Variants in DNAAF9 observed in about 807,000 individuals in gnomAD.
DNAAF9 encodes shulin.
Under a neutral mutation model 167.0 loss-of-function variants are expected in DNAAF9, and 90 were observed. That is an observed-to-expected ratio of 0.54 (90% CI 0.45 to 0.64). DNAAF9 has a LOEUF of 0.64. DNAAF9 is among the 30% of genes least tolerant of loss of function. The pLI, the probability that DNAAF9 is intolerant of heterozygous loss-of-function variation, is 0.00. For synonymous variants in DNAAF9, 491 were observed against 508.8 expected (o/e 0.96, Z 0.47); for missense variants, 1,315 against 1,442.2 (o/e 0.91, Z 1.43).
chr20:3,402,689 C>T (rs1186282144), intron 1 of DNAAF9, among the ~76,000 whole-genome samples: 1 of 152,058 alleles, frequency 6.6e-6, no homozygotes, highest in Non-Finnish European at 1.5e-5. Context: ...ATGATCCTCC[C>T]ATCTCAGCCT....
At chr20:3,273,961 C>T (rs1010047308) in intron 29 of DNAAF9, among the ~76,000 whole-genome samples, 5 of 152,010 alleles carry the variant, frequency 3.3e-5, no homozygotes, top group African/African-American at 9.7e-5. Flanking sequence ...CCACTTACTC[C>T]CTTTACTTTT....
At chr20:3,295,859 T>A (rs966395697) in intron 23 of DNAAF9, 17 of 1,006,714 alleles carry the variant, frequency 1.7e-5, no homozygotes, top group Non-Finnish European at 2.4e-5. Flanking sequence ...CCAAACGACA[T>A]CCTTTAATGT....
At chr20:3,323,778 T>C (rs565869259) in intron 14 of DNAAF9, among the ~76,000 whole-genome samples, 1 of 152,132 alleles carries the variant, frequency 6.6e-6, no homozygotes, top group South Asian at 2.1e-4. Context: ...AGGGCCCAAG[T>C]AAAGGAGAAG....
chr20:3,316,023 AC>A, intron 18 of DNAAF9: 1 of 567,810 alleles, frequency 1.8e-6, no homozygotes, highest in East Asian at 2.9e-5. Context: ...TGAGCTTATG[AC>A]AAGCAGAGGG....
intron 1 of DNAAF9, among the ~76,000 whole-genome samples, chr20:3,401,757 T>C (rs545523373): frequency 2.0e-5 from 3 of 152,316 alleles, no homozygotes; most frequent in African/African-American, 7.2e-5. Flanking sequence ...CCTGATACTT[T>C]CCAGGGGTGA....
intron 10 of DNAAF9, among the ~76,000 whole-genome samples, chr20:3,334,858 T>C (rs2069906679): frequency 6.6e-6 from 1 of 152,156 alleles, no homozygotes; most frequent in African/African-American, 2.4e-5. Flanking sequence ...AAGGAAGCAA[T>C]GTGTTTCGGT....
chr20:3,394,201 G>A (rs1482003763), intron 1 of DNAAF9, among the ~76,000 whole-genome samples: 4 of 152,206 alleles, frequency 2.6e-5, no homozygotes, highest in South Asian at 4.2e-4. Flanking sequence ...TGCTGGGCAT[G>A]GTGGTGTGTG....
In DNAAF9 at chr20:3,381,421, T is replaced by C. The variant is rs746966733; in HGVS notation, c.241A>G (p.Ser81Gly). ...GAAAATCCCGTTTTCTCAAAATCAC[T>C]GGTATTCTGATTGTACAAACCAAAT... ...LLFGLYNQNT[S>G]DFEKTGFSEE... The change falls in exon 3 of 37, where the codon AGT becomes GGT. Residue 81 changes from serine (S) to glycine (G), a missense_variant. By Grantham distance (56) the Ser-to-Gly change is moderately conservative. This residue lies in a region of DNAAF9 where 981 missense variants were observed against 1,012.5 expected (regional missense o/e 0.97). Transcript: ENST00000252032. 1.9e-6 allele frequency: 3 copies of C among 1,611,866 alleles called. No individual in the cohort carries two copies. Among genetic ancestry groups the C allele is most frequent in the African/African-American group, 2.7e-5 (2 of 74,850 alleles).
At chr20:3,358,629 GAA>G in intron 7 of DNAAF9, among the ~76,000 whole-genome samples, 1 of 152,064 alleles carries the variant, frequency 6.6e-6, no homozygotes, top group Non-Finnish European at 1.5e-5. Context: ...TTCTTTCAAG[GAA>G]AGACAATTTT....
intron 1 of DNAAF9, among the ~76,000 whole-genome samples, chr20:3,399,461 G>T (rs1317197186): frequency 2.6e-5 from 4 of 152,068 alleles, no homozygotes; most frequent in Non-Finnish European, 5.9e-5. Flanking sequence ...GCCCGCCTCG[G>T]CCTCCCAAAG....
At chr20:3,382,063 T>G (rs2083661632) in intron 2 of DNAAF9, among the ~76,000 whole-genome samples, 1 of 152,096 alleles carries the variant, frequency 6.6e-6, no homozygotes, top group Admixed American at 6.5e-5. Context: ...AAAAGGAAAT[T>G]AAACAATACT....
At chr20:3,396,928 A>G (rs1018047941) in intron 1 of DNAAF9, among the ~76,000 whole-genome samples, 12 of 152,326 alleles carry the variant, frequency 7.9e-5, no homozygotes, top group Middle Eastern at 6.8e-3. Flanking sequence ...AGGGCGATAA[A>G]AGTTGAACCT....
At position 3,282,912 on chromosome 20, in the gene DNAAF9, C is replaced by T. The variant is rs1023257194; in HGVS notation, c.2487-1146G>A. On this transcript the variant is annotated intron_variant, in intron 27 of 36. Coordinates refer to ENST00000252032, the MANE Select transcript of DNAAF9 (RefSeq NM_001009984.3). ...AAGCAACCCTCGCTTCTTGGCATTC[C>T]CTACCTCCTCCTCCAAGTTTCTTCA... 2.1e-4 allele frequency among the ~76,000 whole-genome samples: 32 copies of T among 152,264 alleles called. 1 individual carries two copies. Among genetic ancestry groups the T allele is most frequent in the Admixed American group, 1.8e-3 (28 of 15,302 alleles).
chr20:3,290,150 G>C lies in DNAAF9; in HGVS notation c.2306C>G (p.Thr769Ser). The change falls in exon 26 of 37, where the codon ACT becomes AGT. Residue 769 changes from threonine to serine, a missense_variant. Physicochemically the swap from Thr to Ser is moderately conservative, Grantham distance 58. This residue lies in a region of DNAAF9 where 981 missense variants were observed against 1,012.5 expected (regional missense o/e 0.97). Coordinates refer to ENST00000252032, the MANE Select transcript of DNAAF9 (RefSeq NM_001009984.3). The part of the protein sequence containing the change: ...HASELCAFLV[T>S]LHKECGRWMV... ...TAACCTGCCACATTCCTTATGCAGA[G>C]TGACCAGAAAAGCACAGAGCTCGCT... The C allele has an allele frequency of 6.2e-7, 1 of 1,611,258 alleles. No homozygotes were observed. The highest frequency in any genetic ancestry group is 8.5e-7 in the Non-Finnish European group (1 of 1,177,300).
intron 33 of DNAAF9, among the ~76,000 whole-genome samples, chr20:3,256,441 A>C (rs565531382): frequency 5.9e-5 from 9 of 152,242 alleles, no homozygotes; most frequent in Admixed American, 3.3e-4. Flanking sequence ...GAGCCCAGGA[A>C]TTCAAGGCTG....
chr20:3,280,997 A>C (rs1227550754), intron 28 of DNAAF9, among the ~76,000 whole-genome samples: 1 of 151,992 alleles, frequency 6.6e-6, no homozygotes, highest in African/African-American at 2.4e-5. Flanking sequence ...TAGATTATAT[A>C]CTCAACTTCA....
At chr20:3,297,960 C>T in intron 22 of DNAAF9, 69 bp downstream of exon 22, 2 of 1,232,122 alleles carry the variant, frequency 1.6e-6, no homozygotes, top group East Asian at 2.3e-5. Context: ...CAAAATGATG[C>T]CTTACCATTT....
chr20:3,381,276 G>T, intron 3 of DNAAF9, 103 bp downstream of exon 3: 2 of 948,488 alleles, frequency 2.1e-6, no homozygotes, highest in Non-Finnish European at 1.5e-6. Context: ...CTGGGGCTTT[G>T]GACTATTTTA....
At chr20:3,293,441 T>A (rs1417470752) in intron 25 of DNAAF9, among the ~76,000 whole-genome samples, 1 of 151,452 alleles carries the variant, frequency 6.6e-6, no homozygotes, top group African/African-American at 2.4e-5. Flanking sequence ...TCCCAGCACT[T>A]TGGGAGGCCG....
Sources: allele counts gnomAD v4.1 joint callset (sites outside exome capture counted in the v4.1 genomes callset), GRCh38; gene constraint gnomAD v4.1.1; regional missense constraint gnomAD v4.1.1; transcripts MANE v1.5; gene names NCBI Gene and HGNC (gene_info 2026-07-23, HGNC 2026-07-21).